The following NUP210L variants were observed in gnomAD, a reference collection of about 807,000 sequenced individuals.
The protein encoded by NUP210L is nuclear pore membrane glycoprotein 210-like.
Under a neutral mutation model 208.5 loss-of-function variants are expected in NUP210L, and 74 were observed. The ratio of observed to expected loss-of-function variants is 0.35; its 90% CI spans 0.29 to 0.43. NUP210L has a LOEUF of 0.43. Ranked by LOEUF, NUP210L falls within the 20% of genes least tolerant of loss-of-function variation. NUP210L has a pLI of 1.00. For synonymous variants in NUP210L, 780 were observed against 816.9 expected, an observed-to-expected ratio of 0.95 and a Z score of 0.77; for missense variants, 1,843 against 2,289.4, an observed-to-expected ratio of 0.81 and a Z score of 3.98.
chr1:153,992,882 A>G (rs191057966), exon 40 of NUP210L: 36 of 1,613,538 alleles, frequency 2.2e-5, no homozygotes, highest in East Asian at 1.6e-4. Context: ...CTTTGGGCCA[A>G]TGGAGGTTGT....
chr1:154,075,330 A>G (rs917115422), intron 16 of NUP210L, among the ~76,000 whole-genome samples: 7 of 152,150 alleles, frequency 4.6e-5, no homozygotes, highest in African/African-American at 1.7e-4. Context: ...ATATATACAC[A>G]CACATATACA....
At chr1:154,148,066 C>A (rs1161142117) in intron 2 of NUP210L, among the ~76,000 whole-genome samples, 1 of 149,494 alleles carries the variant, frequency 6.7e-6, no homozygotes. Flanking sequence ...GAGACCAGCC[C>A]GGCCAACATG....
At chr1:154,107,899 G>A (rs887673649) in intron 12 of NUP210L, among the ~76,000 whole-genome samples, 6 of 151,636 alleles carry the variant, frequency 4.0e-5, no homozygotes, top group Admixed American at 6.6e-5. Flanking sequence ...TACAGTTAGC[G>A]GAGACTAAAG....
intron 29 of NUP210L, 81 bp from the exon 30 acceptor site, chr1:154,025,797 C>T (rs1350393361): frequency 8.0e-7 from 1 of 1,257,074 alleles, no homozygotes; most frequent in Non-Finnish European, 1.1e-6. Flanking sequence ...TCCAGGATTA[C>T]TGTTAGGGGA....
intron 14 of NUP210L, among the ~76,000 whole-genome samples, chr1:154,096,484 G>A (rs1357647550): frequency 6.6e-6 from 1 of 152,190 alleles, no homozygotes; most frequent in Non-Finnish European, 1.5e-5. Context: ...CATGTGGCCA[G>A]GTGCGGTAGC....
exon 40 of NUP210L, chr1:153,992,829 C>T: frequency 6.3e-7 from 1 of 1,578,164 alleles, no homozygotes; most frequent in South Asian, 1.2e-5. Context: ...CTTGTCCAAG[C>T]AGAGGTTAGT....
chr1:154,037,869 C>T (rs780702659), intron 27 of NUP210L, among the ~76,000 whole-genome samples: 13 of 151,968 alleles, frequency 8.6e-5, no homozygotes, highest in African/African-American at 2.9e-4. Context: ...CCACCCAACT[C>T]GGCCTTCCCA....
chr1:154,135,590 T>A (rs1280818113), intron 7 of NUP210L, among the ~76,000 whole-genome samples: 1 of 151,888 alleles, frequency 6.6e-6, no homozygotes, highest in Admixed American at 6.6e-5. Flanking sequence ...CCTGGCTAAT[T>A]TTTAGTATTT....
chr1:154,001,801 A>G, exon 36 of NUP210L: 1 of 1,614,152 alleles, frequency 6.2e-7, no homozygotes, highest in Non-Finnish European at 8.5e-7. Context: ...GTTTGTGGCT[A>G]AGAACCAATT....
At chr1:154,088,109 G>A (rs1299245921) in intron 16 of NUP210L, among the ~76,000 whole-genome samples, 2 of 152,138 alleles carry the variant, frequency 1.3e-5, no homozygotes, top group Non-Finnish European at 2.9e-5. Flanking sequence ...AGACTGAGGT[G>A]GGTGGATCCC....
chr1:154,015,946 AAATAAAT>A (rs1651221643), intron 33 of NUP210L, among the ~76,000 whole-genome samples: 1 of 149,380 alleles, frequency 6.7e-6, no homozygotes, highest in Non-Finnish European at 1.5e-5. Context: ...ATAAATAAAT[AAATAAAT>A]AAAAATAAAA....
intron 12 of NUP210L, among the ~76,000 whole-genome samples, chr1:154,115,178 T>G (rs1464965678): frequency 3.3e-5 from 5 of 152,216 alleles, no homozygotes; most frequent in Admixed American, 6.6e-5. Flanking sequence ...TGTTATTGTC[T>G]GATTATAAAA....
At chr1:154,085,199 A>G (rs1655558901) in intron 16 of NUP210L, among the ~76,000 whole-genome samples, 1 of 150,208 alleles carries the variant, frequency 6.7e-6, no homozygotes, top group Admixed American at 6.6e-5. Flanking sequence ...TACAAAAAAA[A>G]AATAGCCAGG....
At chr1:154,152,611 T>C (rs2148165757) in intron 2 of NUP210L, 125 bp downstream of exon 2, 1 of 854,528 alleles carries the variant, frequency 1.2e-6, no homozygotes, top group Non-Finnish European at 1.8e-6. Context: ...TGCAGCCAGC[T>C]AGGAATCATT....
intron 28 of NUP210L, among the ~76,000 whole-genome samples, 179 bp from the exon 29 acceptor site, chr1:154,027,776 A>C (rs1209551050): frequency 1.3e-5 from 2 of 152,162 alleles, no homozygotes; most frequent in Non-Finnish European, 2.9e-5. Context: ...TCCAAAATGA[A>C]CCAGGCACTC....
intron 35 of NUP210L, among the ~76,000 whole-genome samples, chr1:154,003,009 CTTT>C (rs34229994): frequency 2.2e-5 from 3 of 133,488 alleles, no homozygotes; most frequent in African/African-American, 2.7e-5. Context: ...CCTTAGCTGT[CTTT>C]TTTTTTTTTT....
In NUP210L at chr1:154,135,641, T is replaced by C. The variant is rs542120584; in HGVS notation, c.1009+173A>G. On this transcript the variant is annotated intron_variant, in intron 7 of 39. Coordinates refer to ENST00000368559, the Ensembl canonical transcript of NUP210L. ...TTTCACCGTGTTAGCCAGGATGGTCTCGATCTCCTGACCTTGTGATCAGCC... is the reference window on the plus strand; with the variant it reads ...TTTCACCGTGTTAGCCAGGATGGTCCCGATCTCCTGACCTTGTGATCAGCC... Among the ~76,000 whole-genome samples, 4 of 152,138 alleles carry C rather than the reference T, an allele frequency of 2.6e-5. No individual in the cohort carries two copies. The East Asian group carries it at 7.7e-4, about 29-fold the overall frequency.
chr1:153,993,078 A>G (rs1187375864), exon 39 of NUP210L: 1 of 1,613,214 alleles, frequency 6.2e-7, no homozygotes, highest in African/African-American at 1.3e-5. Flanking sequence ...TTGTTTAGGA[A>G]GGCATTGTAT....
At chr1:154,101,172 CAA>C (rs35540425) in intron 13 of NUP210L, among the ~76,000 whole-genome samples, 7 of 104,728 alleles carry the variant, frequency 6.7e-5, no homozygotes, top group Non-Finnish European at 7.3e-5. Flanking sequence ...AACTCTGTCT[CAA>C]AAAAAAAAAA....
Sources: allele counts gnomAD v4.1 joint callset (sites outside exome capture counted in the v4.1 genomes callset), GRCh38; gene constraint gnomAD v4.1.1; transcripts MANE v1.5; gene names NCBI Gene and HGNC (gene_info 2026-07-23, HGNC 2026-07-21).